The following DLC1 variants were observed in gnomAD, a reference collection of about 807,000 sequenced individuals.
The protein encoded by DLC1 is DLC1 Rho GTPase activating protein, also known as rho GTPase-activating protein 7.
A neutral mutation model predicts 140.3 loss-of-function variants in DLC1; 54 were observed. The ratio of observed to expected loss-of-function variants is 0.38; its 90% confidence interval spans 0.31 to 0.48. The LOEUF is 0.48. DLC1 is among the 20% of genes least tolerant of loss of function. The pLI, the probability that DLC1 is intolerant of heterozygous loss-of-function variation, is 0.96. For missense variants in DLC1, 2,536 were observed against 1,907.0 expected, an observed-to-expected ratio of 1.33 and a Z score of -6.14; for synonymous variants, 986 against 728.1, an observed-to-expected ratio of 1.35 and a Z score of -5.70.
At chr8:13,522,580 G>A (rs1802799465) in intron 1 of DLC1, among the ~76,000 whole-genome samples, 1 of 151,982 alleles carries the variant, frequency 6.6e-6, no homozygotes, top group Non-Finnish European at 1.5e-5. Flanking sequence ...AGCCAAGATT[G>A]TGCCATTGTA....
At chr8:13,386,519 C>A (rs1479560892) in intron 4 of DLC1, among the ~76,000 whole-genome samples, 4 of 152,068 alleles carry the variant, frequency 2.6e-5, no homozygotes, top group Admixed American at 2.0e-4. Context: ...AATAACCCAT[C>A]ACAGACAAGA....
chr8:13,555,281 G>T (rs1234964177), intron 1 of DLC1, among the ~76,000 whole-genome samples: 1 of 151,402 alleles, frequency 6.6e-6, no homozygotes, highest in African/African-American at 2.4e-5. Flanking sequence ...CTTGTTATCT[G>T]CTGACACACC....
At chr8:13,356,282 G>C (rs1270431994) in intron 4 of DLC1, among the ~76,000 whole-genome samples, 3 of 151,788 alleles carry the variant, frequency 2.0e-5, no homozygotes, top group Non-Finnish European at 4.4e-5. Context: ...TTTAGACCTG[G>C]TCATGAACTC....
At chr8:13,178,521 G>A (rs1054737187) in intron 5 of DLC1, among the ~76,000 whole-genome samples, 3 of 149,034 alleles carry the variant, frequency 2.0e-5, no homozygotes, top group Admixed American at 6.7e-5. Context: ...GCAATGAGCC[G>A]AGATTGCACC....
chr8:13,332,532 G>A lies in DLC1; in HGVS notation c.1315-27230C>T, dbSNP rs112627507. Among the ~76,000 whole-genome samples the A allele has an allele frequency of 7.5e-3, 1,133 of 151,744 alleles. 15 individuals carry two copies. Among genetic ancestry groups the A allele is most frequent in the African/African-American group, 0.026 (1,074 of 41,358 alleles). On this transcript the variant is annotated intron_variant, in intron 4 of 17. Transcript: ENST00000276297. ...TGCAACCTCCACCTCTGGGGTTCAA[G>A]CGATTCTCCTGCCGCAGCCTCCTGA...
chr8:13,348,246 A>G (rs1834457884), intron 4 of DLC1, among the ~76,000 whole-genome samples: 1 of 152,144 alleles, frequency 6.6e-6, no homozygotes, highest in Admixed American at 6.5e-5. Context: ...TGTGAGTAAT[A>G]TGTGTGTGGT....
At chr8:13,147,510 G>A (rs1464482330) in intron 5 of DLC1, among the ~76,000 whole-genome samples, 2 of 152,126 alleles carry the variant, frequency 1.3e-5, no homozygotes, top group Non-Finnish European at 2.9e-5. Context: ...ATGTGAATCT[G>A]CATATTTCAC....
chr8:13,519,303 T>C (rs959544111), upstream of DLC1, among the ~76,000 whole-genome samples: 5 of 152,136 alleles, frequency 3.3e-5, no homozygotes, highest in Non-Finnish European at 7.3e-5. Flanking sequence ...ATTTTTTTTG[T>C]ATTTTTAGTA....
At chr8:13,418,010 T>C (rs1476511476) in intron 2 of DLC1, among the ~76,000 whole-genome samples, 1 of 152,256 alleles carries the variant, frequency 6.6e-6, no homozygotes, top group Non-Finnish European at 1.5e-5. Context: ...CATAAATGTC[T>C]TCTTTTGAGA....
intron 5 of DLC1, among the ~76,000 whole-genome samples, chr8:13,222,083 T>C (rs1375560971): frequency 6.6e-6 from 1 of 151,250 alleles, no homozygotes; most frequent in East Asian, 1.9e-4. Context: ...AAGACCTCTG[T>C]ATTATTTTCA....
chr8:13,463,663 G>T (rs527426575), intron 2 of DLC1, among the ~76,000 whole-genome samples: 1 of 152,162 alleles, frequency 6.6e-6, no homozygotes, highest in Non-Finnish European at 1.5e-5. Flanking sequence ...TCTGGTCATG[G>T]GGAAAGGACG....
At chr8:13,577,848 T>C (rs1243601277) in intron 1 of DLC1, among the ~76,000 whole-genome samples, 2 of 152,012 alleles carry the variant, frequency 1.3e-5, no homozygotes, top group Admixed American at 1.3e-4. Flanking sequence ...ATTATTATCT[T>C]TAAGGTTAGG....
intron 1 of DLC1, among the ~76,000 whole-genome samples, chr8:13,545,925 C>A (rs1332125797): frequency 6.6e-6 from 1 of 151,904 alleles, no homozygotes; most frequent in Non-Finnish European, 1.5e-5. Context: ...ATTTTTGCAG[C>A]CTTAAACATA....
At chr8:13,143,680 G>A (rs1328633762) in intron 5 of DLC1, among the ~76,000 whole-genome samples, 1 of 151,682 alleles carries the variant, frequency 6.6e-6, no homozygotes. Flanking sequence ...TTAAAGTGCT[G>A]GGATTCCAGG....
intron 5 of DLC1, chr8:13,276,441 CATGCCT>C: frequency 7.0e-7 from 1 of 1,423,848 alleles, no homozygotes; most frequent in Non-Finnish European, 9.1e-7. Flanking sequence ...GCGCCGCGAC[CATGCCT>C]CGGTACTCCG....
chr8:13,268,424 C>G (rs1830779156), intron 5 of DLC1, among the ~76,000 whole-genome samples: 1 of 152,122 alleles, frequency 6.6e-6, no homozygotes, highest in African/African-American at 2.4e-5. Flanking sequence ...ACGCCATTCT[C>G]CTGCCTCAGT....
chr8:13,091,246 A>C, intron 14 of DLC1, 72 bp downstream of exon 14: 1 of 1,473,566 alleles, frequency 6.8e-7, no homozygotes, highest in Non-Finnish European at 9.4e-7. Flanking sequence ...GACATGAACA[A>C]GGGTCAAGCC....
intron 16 of DLC1, 146 bp from the exon 17 acceptor site, chr8:13,086,609 C>A: frequency 2.5e-6 from 2 of 803,846 alleles, no homozygotes; most frequent in Non-Finnish European, 3.9e-6. Flanking sequence ...TAAATGGCAT[C>A]CTCTAAACTA....
rs1216450279 is a variant in DLC1 at position 13,135,688 on chromosome 8, T to G, written c.1349-20031A>C. ...TACACCAATTCTCAGAATAAGTTCT[T>G]AATATTTTTTGTTTGCTGGTTAAAG... On this transcript the variant is annotated intron_variant, in intron 5 of 17. Transcript: ENST00000276297. 2.6e-5 allele frequency among the ~76,000 whole-genome samples: 4 copies of G among 152,312 alleles called. No homozygotes were observed. The East Asian group carries it at 5.8e-4, about 22-fold the overall frequency.
Sources: gnomAD v4.1 joint callset for allele counts (sites outside exome capture counted in the v4.1 genomes callset) on GRCh38, gnomAD v4.1.1 for gene constraint, MANE v1.5 for transcripts, NCBI Gene and HGNC (gene_info 2026-07-23, HGNC 2026-07-21) for gene names.